TAFA5: variants seen among roughly 807,000 people sequenced by gnomAD.
The protein encoded by TAFA5 is chemokine-like protein TAFA-5.
TAFA5 carries 6 observed loss-of-function variants against 15.3 expected under a neutral mutation model. The observed-to-expected ratio is 0.39, with a 90% CI of 0.21 to 0.77. TAFA5 has a LOEUF of 0.77. Among genes scored for constraint, TAFA5 ranks in the 30% least tolerant of loss-of-function variants. TAFA5 has a pLI of 0.41. For missense variants in TAFA5, 161 were observed against 193.1 expected, an observed-to-expected ratio of 0.83 and a Z score of 0.98; for synonymous variants, 103 against 80.7, an observed-to-expected ratio of 1.28 and a Z score of -1.48.
At chr22:48,668,695 G>A (rs1253952808) in intron 2 of TAFA5, among the ~76,000 whole-genome samples, 3 of 147,210 alleles carry the variant, frequency 2.0e-5, no homozygotes, top group Non-Finnish European at 3.0e-5. Flanking sequence ...CCCAGCACTC[G>A]GGGCCGCGTT....
intron 1 of TAFA5, among the ~76,000 whole-genome samples, chr22:48,638,092 A>G (rs906560837): frequency 4.6e-5 from 7 of 152,104 alleles, no homozygotes; most frequent in African/African-American, 1.7e-4. Flanking sequence ...ACCTGCGGGT[A>G]TCGGGGGCTC....
chr22:48,602,068 G>A (rs906026443), intron 1 of TAFA5, among the ~76,000 whole-genome samples: 2 of 152,158 alleles, frequency 1.3e-5, no homozygotes, highest in African/African-American at 2.4e-5. Flanking sequence ...CTTCATCAAG[G>A]GCAACTACAG....
Position 48,530,550 on chromosome 22 carries a change from G to A in TAFA5, c.112+40846G>A, listed in dbSNP as rs1366399400. On this transcript the variant is annotated intron_variant, in intron 1 of 3. Transcript: ENST00000402357. This position sits in a 1 kb window ranked among gnomAD's most constrained non-coding sequence, Gnocchi z 6.0. ...TGAGGCCCAGAGTGGAAAGCAGGTG[G>A]ACAGGGCTCCTCCCGTCTCCTCCCC... Among the ~76,000 whole-genome samples the A allele has an allele frequency of 6.6e-6, 1 of 152,188 alleles. No homozygotes were observed. The highest frequency in any genetic ancestry group is 2.4e-5 in the African/African-American group (1 of 41,448).
At chr22:48,656,771 T>A (rs1170557260) in intron 2 of TAFA5, among the ~76,000 whole-genome samples, 61 of 25,108 alleles carry the variant, frequency 2.4e-3, no homozygotes, top group African/African-American at 6.0e-3. Context: ...TTTTTTTTTT[T>A]TTTTTTTTTT....
intron 1 of TAFA5, chr22:48,576,493 A>G: frequency 6.7e-7 from 1 of 1,485,514 alleles, no homozygotes. Context: ...GCAGCTCCTG[A>G]AGGCGCTCTG....
In TAFA5 at chr22:48,516,485, G is replaced by A. The variant is rs1028450133; in HGVS notation, c.112+26781G>A. On this transcript the variant is annotated intron_variant, in intron 1 of 3. Transcript: ENST00000402357. ...GACATTCGCTGCTGAACGAAATGGG[G>A]GCCCGCCCCCAACTCTCGGCAGGAG... Among the ~76,000 whole-genome samples, 3 of 152,306 alleles carry A rather than the reference G, an allele frequency of 2.0e-5. No individual in the cohort carries two copies. In the East Asian group the frequency reaches 5.8e-4, roughly 29 times the overall value.
intron 3 of TAFA5, among the ~76,000 whole-genome samples, chr22:48,721,933 C>T (rs1569094104): frequency 6.6e-6 from 1 of 152,002 alleles, no homozygotes; most frequent in Non-Finnish European, 1.5e-5. Context: ...ACCGAAATCA[C>T]ACCACTGCAC....
intron 1 of TAFA5, among the ~76,000 whole-genome samples, chr22:48,638,637 A>AC (rs1161016449): frequency 2.5e-4 from 22 of 89,028 alleles, no homozygotes; most frequent in African/African-American, 5.7e-4. Flanking sequence ...ATAGGCAACA[A>AC]CCCCCCCCAC....
intron 2 of TAFA5, among the ~76,000 whole-genome samples, chr22:48,649,900 A>C (rs953617216): frequency 6.6e-6 from 1 of 152,108 alleles, no homozygotes; most frequent in Non-Finnish European, 1.5e-5. Context: ...GGGTCTGCTC[A>C]TCTGAAACCA....
chr22:48,731,834 A>G (rs1929877988), intron 3 of TAFA5, among the ~76,000 whole-genome samples: 1 of 152,234 alleles, frequency 6.6e-6, no homozygotes, highest in African/African-American at 2.4e-5. Flanking sequence ...TCTGCAGCCC[A>G]TGGATCAAGG....
At chr22:48,631,770 T>C (rs926702346) in intron 1 of TAFA5, among the ~76,000 whole-genome samples, 4 of 152,186 alleles carry the variant, frequency 2.6e-5, no homozygotes, top group African/African-American at 7.2e-5. Context: ...TCCTGACATT[T>C]GCTAGACATC....
chr22:48,583,319 A>G (rs1459526894), intron 1 of TAFA5, among the ~76,000 whole-genome samples: 3 of 147,482 alleles, frequency 2.0e-5, no homozygotes. Flanking sequence ...ACCACACACT[A>G]TACACAAAAT....
At chr22:48,699,051 C>T (rs1249047320) in intron 2 of TAFA5, among the ~76,000 whole-genome samples, 2 of 151,812 alleles carry the variant, frequency 1.3e-5, no homozygotes, top group Non-Finnish European at 2.9e-5. Context: ...AAGTGATTCC[C>T]CTGCCTCGGC....
chr22:48,574,190 T>G (rs1923680280), intron 1 of TAFA5, among the ~76,000 whole-genome samples: 1 of 152,222 alleles, frequency 6.6e-6, no homozygotes, highest in East Asian at 1.9e-4. Context: ...CCAGGGCAGA[T>G]CCACAGCTGC....
intron 1 of TAFA5, among the ~76,000 whole-genome samples, chr22:48,596,338 T>A (rs1924762951): frequency 6.6e-6 from 1 of 152,180 alleles, no homozygotes; most frequent in Non-Finnish European, 1.5e-5. Flanking sequence ...GGCCCTGGGC[T>A]CTGGGATGGC....
intron 1 of TAFA5, among the ~76,000 whole-genome samples, chr22:48,635,962 T>A (rs1926429586): frequency 6.6e-6 from 1 of 152,228 alleles, no homozygotes; most frequent in Non-Finnish European, 1.5e-5. Flanking sequence ...TGGGAGGAGC[T>A]GTGGGTCCAG....
chr22:48,714,236 G>T (rs931993346), intron 3 of TAFA5, among the ~76,000 whole-genome samples: 1 of 152,244 alleles, frequency 6.6e-6, no homozygotes, highest in Non-Finnish European at 1.5e-5. Context: ...GGAACCCCCT[G>T]TAGGGTGACA....
intron 1 of TAFA5, among the ~76,000 whole-genome samples, chr22:48,533,676 T>G (rs2147114204): frequency 6.6e-6 from 1 of 152,336 alleles, no homozygotes. Context: ...CTTTCCCAAC[T>G]CGAGGCCACC....
chr22:48,735,552 G>A (rs1415875027), intron 3 of TAFA5, among the ~76,000 whole-genome samples: 1 of 152,230 alleles, frequency 6.6e-6, no homozygotes, highest in African/African-American at 2.4e-5. Flanking sequence ...CTCCTTTTGA[G>A]CTGACTTAAA....
Sources: allele counts gnomAD v4.1 joint callset (sites outside exome capture counted in the v4.1 genomes callset), GRCh38; gene constraint gnomAD v4.1.1; non-coding constraint Gnocchi (gnomAD v3.1); transcripts MANE v1.5; gene names NCBI Gene and HGNC (gene_info 2026-07-23, HGNC 2026-07-21).